The following MRPL37 variants were observed in gnomAD, a reference collection of about 807,000 sequenced individuals.
MRPL37 encodes the protein large ribosomal subunit protein mL37.
A neutral mutation model predicts 44.1 loss-of-function variants in MRPL37; 34 were observed. That is an observed-to-expected ratio of 0.77 (90% CI 0.59 to 1.03). The LOEUF is 1.03. Among genes scored for constraint, MRPL37 ranks in the 50% least tolerant of loss-of-function variants. MRPL37 has a pLI of 0.00. For synonymous variants in MRPL37, 212 were observed against 219.5 expected, an observed-to-expected ratio of 0.97 and a Z score of 0.30; for missense variants, 532 against 543.7, an observed-to-expected ratio of 0.98 and a Z score of 0.21.
Position 54,204,167 on chromosome 1 carries a change from C to T in MRPL37, c.347-851C>T, listed in dbSNP as rs542422941. On this transcript the variant is annotated intron_variant, in intron 1 of 6. Coordinates refer to ENST00000360840, the MANE Select transcript of MRPL37 (RefSeq NM_016491.4). ...GGAGGCCTAGGCAGGCAGATTACTT[C>T]AGGTCAGGAGTTCGAGACCAGCGTG... Among the ~76,000 whole-genome samples, 22 of 152,286 alleles carry T rather than the reference C, an allele frequency of 1.4e-4. No homozygotes were observed. In the East Asian group the frequency reaches 4.2e-3, roughly 29 times the overall value.
chr1:54,224,696 C>T (rs929625899), downstream of MRPL37, among the ~76,000 whole-genome samples: 3 of 152,044 alleles, frequency 2.0e-5, no homozygotes, highest in Admixed American at 1.3e-4. Flanking sequence ...GAATGAGGTC[C>T]CCAGAGCTCC....
intron 5 of MRPL37, among the ~76,000 whole-genome samples, chr1:54,213,348 G>A (rs1363752951): frequency 6.6e-6 from 1 of 152,208 alleles, no homozygotes; most frequent in Non-Finnish European, 1.5e-5. Context: ...GTGTGTTGGG[G>A]GGTAGTTCAT....
downstream of MRPL37, chr1:54,221,046 C>G (rs1267374184): frequency 1.1e-5 from 4 of 353,024 alleles, no homozygotes; most frequent in African/African-American, 8.6e-5. Flanking sequence ...TCCACTTCCT[C>G]GCTGGCAAAA....
downstream of MRPL37, among the ~76,000 whole-genome samples, chr1:54,221,702 GCA>G (rs149889044): frequency 3.3e-5 from 5 of 151,760 alleles, no homozygotes; most frequent in African/African-American, 9.7e-5. Context: ...TCAGACATGT[GCA>G]CACACACACA....
At position 54,210,134 on chromosome 1, in the gene MRPL37, A is replaced by G; in HGVS notation, c.832+3A>G. The G allele has an allele frequency of 6.2e-7, 1 of 1,613,292 alleles. No individual in the cohort carries two copies. The highest frequency in any genetic ancestry group is 8.5e-7 in the Non-Finnish European group (1 of 1,179,262). On this transcript the variant is annotated splice_donor_region_variant and intron_variant, in intron 4 of 6. Coordinates refer to ENST00000360840, the MANE Select transcript of MRPL37 (RefSeq NM_016491.4). ...TTATGATGTGAAAAATGACACAGGT[A>G]AGGATCAATGTCTTGGACTTTTAGG...
chr1:54,200,273 G>A lies in MRPL37; in HGVS notation c.30G>A (p.Arg10=). The change falls in exon 1 of 7, where the codon CGG becomes CGA. Residue 10 remains arginine (R), a synonymous_variant. Coordinates refer to ENST00000360840, the MANE Select transcript of MRPL37 (RefSeq NM_016491.4). MALASGPAR[R]ALAGSGQLGL... The stretch of plus-strand genomic sequence containing the variant: ...CATTGGCGTCCGGGCCCGCAAGGCG[G>A]GCGCTAGCTGGCTCCGGGCAGCTCG... 1 of 1,599,786 alleles carries A rather than the reference G, an allele frequency of 6.3e-7. No individual in the cohort carries two copies. Among genetic ancestry groups the A allele is most frequent in the Non-Finnish European group, 8.5e-7 (1 of 1,174,546 alleles).
chr1:54,208,749 G>T (rs1214189150), intron 3 of MRPL37, among the ~76,000 whole-genome samples: 2 of 152,108 alleles, frequency 1.3e-5, no homozygotes, highest in East Asian at 3.9e-4. Flanking sequence ...TCTTTGCCTG[G>T]CAAGCTCTTA....
At chr1:54,221,653 C>T (rs957793195), downstream of MRPL37, among the ~76,000 whole-genome samples, 42 of 152,270 alleles carry the variant, frequency 2.8e-4, no homozygotes, top group Admixed American at 9.2e-4. Context: ...CATCACACTC[C>T]CACACATGCA....
Position 54,218,206 on chromosome 1 carries a change from C to T in MRPL37, c.1229C>T (p.Thr410Ile), listed in dbSNP as rs1462022084. The stretch of plus-strand genomic sequence containing the variant: ...GGCCCAGTTGGTTTCAAGCCAGAGA[C>T]ATTCAGAAAGTTTTTAGCTCTATAT... ...PVGPVGFKPE[T>I]FRKFLALYLH... The change falls in exon 7 of 7, where the codon ACA (threonine) becomes ATA (isoleucine). Residue 410 changes from threonine (T) to isoleucine (I), a missense_variant. Thr to Ile is a moderately conservative substitution (Grantham distance 89). Transcript: ENST00000360840. 6.2e-7 allele frequency: 1 copy of T among 1,614,138 alleles called. No homozygotes were observed. The highest frequency in any genetic ancestry group is 8.5e-7 in the Non-Finnish European group (1 of 1,180,054).
chr1:54,203,467 CTTTT>C (rs780467512), intron 1 of MRPL37, among the ~76,000 whole-genome samples: 14 of 98,870 alleles, frequency 1.4e-4, no homozygotes, highest in African/African-American at 4.9e-4. Flanking sequence ...ACTTCATTTA[CTTTT>C]TTTTTTTTTT....
chr1:54,225,319 C>T, downstream of MRPL37: 1 of 1,234,172 alleles, frequency 8.1e-7, no homozygotes, highest in Non-Finnish European at 1.0e-6. Context: ...GCCTCAAACA[C>T]AAAACATCTT....
At chr1:54,214,619 C>T (rs1487928200) in intron 5 of MRPL37, among the ~76,000 whole-genome samples, 1 of 152,132 alleles carries the variant, frequency 6.6e-6, no homozygotes, top group Non-Finnish European at 1.5e-5. Flanking sequence ...CCTGCAGACT[C>T]GCTGTAGCCT....
chr1:54,217,647 G>A (rs1410782098), intron 6 of MRPL37, among the ~76,000 whole-genome samples: 2 of 152,118 alleles, frequency 1.3e-5, no homozygotes. Context: ...ACCCTTCCAT[G>A]TATAAATGTC....
intron 3 of MRPL37, among the ~76,000 whole-genome samples, chr1:54,208,472 C>G (rs561661733): frequency 8.5e-5 from 12 of 141,824 alleles, no homozygotes; most frequent in African/African-American, 2.6e-4. Flanking sequence ...TGGCGTGAAC[C>G]CGGAAGGCGG....
At chr1:54,217,275 C>G (rs35110329) in intron 6 of MRPL37, among the ~76,000 whole-genome samples, 1 of 152,328 alleles carries the variant, frequency 6.6e-6, no homozygotes, top group East Asian at 1.9e-4. Flanking sequence ...ACCTGAAATG[C>G]CTGCTGGGTC....
intron 5 of MRPL37, 37 bp downstream of exon 5, chr1:54,212,695 T>A: frequency 1.2e-6 from 2 of 1,613,356 alleles, no homozygotes; most frequent in Non-Finnish European, 1.7e-6. Context: ...TTGCTTTACG[T>A]GGTGTTGGTC....
At chr1:54,218,047 G>A (rs1387284936) in intron 6 of MRPL37, 125 bp from the exon 7 acceptor site, 17 of 899,072 alleles carry the variant, frequency 1.9e-5, no homozygotes, top group Non-Finnish European at 3.1e-5. Context: ...TAGTCCGAGA[G>A]AGAGACGATG....
At chr1:54,221,838 C>T (rs1447627218), downstream of MRPL37, among the ~76,000 whole-genome samples, 1 of 151,902 alleles carries the variant, frequency 6.6e-6, no homozygotes, top group Non-Finnish European at 1.5e-5. Context: ...GGGGGCAGCC[C>T]ATTTAATAAG....
downstream of MRPL37, among the ~76,000 whole-genome samples, chr1:54,224,016 G>A (rs1036781635): frequency 6.6e-6 from 1 of 152,224 alleles, no homozygotes; most frequent in African/African-American, 2.4e-5. Context: ...GCACACAGCA[G>A]GCGCTCTTCC....
Sources: gnomAD v4.1 joint callset for allele counts (sites outside exome capture counted in the v4.1 genomes callset) on GRCh38, gnomAD v4.1.1 for gene constraint, MANE v1.5 for transcripts, NCBI Gene and HGNC (gene_info 2026-07-23, HGNC 2026-07-21) for gene names.